The following VAV3 variants were observed in gnomAD, a reference collection of about 807,000 sequenced individuals.
VAV3 encodes vav guanine nucleotide exchange factor 3, also known as guanine nucleotide exchange factor VAV3.
A neutral mutation model predicts 131.2 loss-of-function variants in VAV3; 94 were observed. The ratio of observed to expected loss-of-function variants is 0.72; its 90% CI spans 0.61 to 0.85. The LOEUF (loss-of-function observed/expected upper bound fraction) is 0.85. Among genes scored for constraint, VAV3 ranks in the 40% least tolerant of loss-of-function variants. The pLI is 0.00. For synonymous variants in VAV3, 349 were observed against 342.0 expected (o/e 1.02, Z -0.22); for missense variants, 939 against 1,002.7 (o/e 0.94, Z 0.86).
chr1:107,630,114 T>G (rs1402727109), intron 20 of VAV3, among the ~76,000 whole-genome samples: 1 of 152,210 alleles, frequency 6.6e-6, no homozygotes, highest in East Asian at 1.9e-4. Context: ...ACGCTAGATA[T>G]ATTTGCAACA....
At chr1:107,959,790 C>A (rs2801219) in intron 1 of VAV3, among the ~76,000 whole-genome samples, 95,298 of 152,006 alleles carry the variant, frequency 0.63, 32,386 homozygotes, top group Middle Eastern at 0.81. Context: ...CTCGGCGTAC[C>A]CATCTAGATG....
At chr1:107,787,930 T>C (rs902320099) in intron 2 of VAV3, among the ~76,000 whole-genome samples, 14 of 151,952 alleles carry the variant, frequency 9.2e-5, no homozygotes, top group Non-Finnish European at 1.8e-4. Flanking sequence ...AGCCTGCTTT[T>C]CCTCCCCATT....
chr1:107,615,142 A>T (rs1039983368), intron 21 of VAV3, among the ~76,000 whole-genome samples: 1 of 152,156 alleles, frequency 6.6e-6, no homozygotes, highest in East Asian at 1.9e-4. Flanking sequence ...AATGAAACAG[A>T]ATAAAGAGCC....
At chr1:107,735,744 C>T (rs1201435654) in intron 15 of VAV3, among the ~76,000 whole-genome samples, 1 of 152,142 alleles carries the variant, frequency 6.6e-6, no homozygotes, top group African/African-American at 2.4e-5. Context: ...AAGTCCAAGA[C>T]CAGACGGATT....
Position 107,772,739 on chromosome 1 carries a change from T to G in VAV3, c.551A>C (p.Gln184Pro), listed in dbSNP as rs994664494. Residue 184 changes from glutamine to proline, a missense_variant, in exon 5 of 27, where the codon CAG (glutamine) becomes CCG (proline). Gln to Pro is a moderately conservative substitution (Grantham distance 76, BLOSUM62 -1). Coordinates refer to ENST00000370056, the MANE Select transcript of VAV3 (RefSeq NM_006113.5). Reference sequence around the variant, plus strand: ...AAAAACAAGTAAAAGTCCTACGGGCTGATGTGCTTCCTCTGCCTTCATTAA... The same window carrying G: ...AAAAACAAGTAAAAGTCCTACGGGCGGATGTGCTTCCTCTGCCTTCATTAA... ...EDLMKAEEAH[Q>P]PKCPENDIRS... is the part of the protein sequence containing the mutation. The G allele has an allele frequency of 6.2e-7, 1 of 1,612,524 alleles. No individual in the cohort carries two copies. The highest frequency in any genetic ancestry group is 8.5e-7 in the Non-Finnish European group (1 of 1,179,032).
chr1:107,888,882 A>G (rs959270676), intron 1 of VAV3, among the ~76,000 whole-genome samples: 1 of 151,922 alleles, frequency 6.6e-6, no homozygotes, highest in African/African-American at 2.4e-5. Context: ...CGGCACGCAC[A>G]CTCCTCTGAA....
rs188741049 is a variant in VAV3 at position 107,675,950 on chromosome 1, C to T, written c.1777+7538G>A. ...GAATCTCCAGTTCCTATTTTAGGTT[C>T]ACTTCTCCACATCAACCATTTTGGA... On this transcript the variant is annotated intron_variant, in intron 19 of 26. Transcript: ENST00000370056. Among the ~76,000 whole-genome samples the T allele has an allele frequency of 1.7e-3, 262 of 152,280 alleles. 2 individuals carry two copies. Among genetic ancestry groups the T allele is most frequent in the African/African-American group, 6.0e-3 (251 of 41,554 alleles).
At chr1:107,662,808 G>A (rs192475705) in intron 19 of VAV3, among the ~76,000 whole-genome samples, 110 of 152,322 alleles carry the variant, frequency 7.2e-4, no homozygotes, top group African/African-American at 2.6e-3. Context: ...AAGCAATGAA[G>A]CTAAAAGTTG....
intron 2 of VAV3, among the ~76,000 whole-genome samples, chr1:107,821,113 C>T (rs1667774907): frequency 6.6e-6 from 1 of 152,142 alleles, no homozygotes; most frequent in African/African-American, 2.4e-5. Context: ...AGAAACATTA[C>T]TAATCTTGTT....
chr1:107,672,268 C>CAAAAAA (rs11299420), intron 19 of VAV3: 3 of 77,720 alleles, frequency 3.9e-5, no homozygotes, highest in Admixed American at 1.6e-4. Context: ...GACTCTGTCT[C>CAAAAAA]AAAAAAAAAA....
chr1:107,624,344 A>C (rs944114718), intron 20 of VAV3, among the ~76,000 whole-genome samples: 2 of 151,092 alleles, frequency 1.3e-5, no homozygotes, highest in Non-Finnish European at 2.9e-5. Context: ...TGGGATGTAC[A>C]TGATACAATC....
intron 25 of VAV3, among the ~76,000 whole-genome samples, chr1:107,593,293 C>T (rs565467530): frequency 2.6e-5 from 4 of 152,220 alleles, no homozygotes; most frequent in African/African-American, 2.4e-5. Flanking sequence ...AAACATTCTA[C>T]GAACATTCTA....
chr1:107,681,137 G>A (rs1036524894), intron 19 of VAV3, among the ~76,000 whole-genome samples: 2 of 152,032 alleles, frequency 1.3e-5, no homozygotes, highest in Middle Eastern at 3.4e-3. Context: ...AGTTACACCC[G>A]GCCTCCTAAA....
chr1:107,685,662 C>T (rs1658964689), intron 18 of VAV3: 1 of 151,932 alleles, frequency 6.6e-6, no homozygotes, highest in African/African-American at 2.4e-5. Context: ...ATTTTCACGC[C>T]CCTAAACCAA....
chr1:107,873,749 C>T (rs1670355658), intron 2 of VAV3, among the ~76,000 whole-genome samples: 1 of 152,088 alleles, frequency 6.6e-6, no homozygotes, highest in African/African-American at 2.4e-5. Flanking sequence ...ACCTTCTTAT[C>T]CCCCCTTCCT....
intron 9 of VAV3, among the ~76,000 whole-genome samples, chr1:107,764,195 C>T (rs1366146065): frequency 6.6e-6 from 1 of 152,006 alleles, no homozygotes; most frequent in East Asian, 1.9e-4. Context: ...CTGTTTATAT[C>T]GGCCTACGTG....
intron 1 of VAV3, among the ~76,000 whole-genome samples, chr1:107,891,585 A>C (rs1166629846): frequency 6.6e-6 from 1 of 151,756 alleles, no homozygotes; most frequent in Non-Finnish European, 1.5e-5. Context: ...ATGCCTGTAA[A>C]CCCAGCACTT....
At chr1:107,666,369 G>C (rs1334621455) in intron 19 of VAV3, among the ~76,000 whole-genome samples, 1 of 152,162 alleles carries the variant, frequency 6.6e-6, no homozygotes, top group Non-Finnish European at 1.5e-5. Context: ...GAGAATGCCA[G>C]AGTGACCTGA....
intron 19 of VAV3, among the ~76,000 whole-genome samples, chr1:107,647,549 T>C (rs983956799): frequency 6.6e-6 from 1 of 151,940 alleles, no homozygotes; most frequent in African/African-American, 2.4e-5. Flanking sequence ...TGGACCTCCA[T>C]CCAGAGGGAA....
Sources: allele counts gnomAD v4.1 joint callset (sites outside exome capture counted in the v4.1 genomes callset), GRCh38; gene constraint gnomAD v4.1.1; transcripts MANE v1.5; gene names NCBI Gene and HGNC (gene_info 2026-07-23, HGNC 2026-07-21).